TTC7A: variants seen among roughly 807,000 people sequenced by gnomAD.
TTC7A encodes tetratricopeptide repeat domain 7A, also known as tetratricopeptide repeat protein 7A.
Under a neutral mutation model 103.7 loss-of-function variants are expected in TTC7A, and 110 were observed. The ratio of observed to expected loss-of-function variants is 1.06; its 90% CI spans 0.91 to 1.24. The LOEUF (loss-of-function observed/expected upper bound fraction) is 1.24, where lower values mean the gene tolerates loss of function less well. Ranked by LOEUF, TTC7A falls within the 50% of genes most tolerant of loss-of-function variation. The pLI, the probability that TTC7A is intolerant of heterozygous loss-of-function variation, is 0.00. For missense variants in TTC7A, 1,340 were observed against 1,116.3 expected (o/e 1.20, Z -2.86); for synonymous variants, 521 against 467.9 (o/e 1.11, Z -1.47).
intron 3 of TTC7A, among the ~76,000 whole-genome samples, chr2:46,964,690 G>A (rs1308452944): frequency 2.6e-5 from 4 of 152,108 alleles, no homozygotes; most frequent in African/African-American, 9.7e-5. Flanking sequence ...GGCTTTGATT[G>A]GCATCCAGGA....
Position 46,941,590 on chromosome 2 carries a change from C to G in TTC7A, c.49C>G (p.Leu17Val). 1.9e-6 allele frequency: 3 copies of G among 1,557,270 alleles called. No individual in the cohort carries two copies. Among genetic ancestry groups the G allele is most frequent in the Non-Finnish European group, 2.6e-6 (3 of 1,151,132 alleles). Residue 17 changes from leucine (L) to valine (V), a missense_variant, in exon 1 of 20, where the codon CTG (leucine) becomes GTG (valine). By Grantham distance (32) the Leu-to-Val change is conservative. Coordinates refer to ENST00000319190, the MANE Select transcript of TTC7A (RefSeq NM_020458.4). This position sits in a 1 kb window ranked among gnomAD's most constrained non-coding sequence, Gnocchi z 4.2. ...HGSYLKVESE[L>V]ERCRAEGHWD... is the part of the protein sequence containing the mutation. ...CTCCTACCTGAAGGTGGAGAGCGAG[C>G]TGGAGCGCTGCCGCGCCGAGGGCCA...
At chr2:47,045,763 G>A (rs916610085) in intron 15 of TTC7A, among the ~76,000 whole-genome samples, 1 of 152,184 alleles carries the variant, frequency 6.6e-6, no homozygotes, top group African/African-American at 2.4e-5. Context: ...CGTTGCTTGG[G>A]CACCTATACT....
chr2:47,045,744 C>T (rs1682243475), intron 15 of TTC7A, among the ~76,000 whole-genome samples: 1 of 152,200 alleles, frequency 6.6e-6, no homozygotes, highest in Non-Finnish European at 1.5e-5. Context: ...TGCAGTTCCA[C>T]TTAGGAGGCG....
At chr2:46,957,891 T>G (rs902030572) in intron 3 of TTC7A, among the ~76,000 whole-genome samples, 2 of 152,114 alleles carry the variant, frequency 1.3e-5, no homozygotes, top group African/African-American at 4.8e-5. Context: ...CAGTGGGCAT[T>G]TGGTGCCTGG....
At chr2:46,930,387 T>A (rs1016852763) in intron 2 of TTC7A, among the ~76,000 whole-genome samples, 9 of 150,104 alleles carry the variant, frequency 6.0e-5, no homozygotes, top group Non-Finnish European at 1.0e-4. Flanking sequence ...GATTTTATAA[T>A]TAACTTCATG....
At chr2:46,924,050 TA>T (rs1306854660) in intron 2 of TTC7A, among the ~76,000 whole-genome samples, 1 of 151,908 alleles carries the variant, frequency 6.6e-6, no homozygotes, top group Admixed American at 6.6e-5. Context: ...GAAAATTTTT[TA>T]AAAAATAGCC....
intron 3 of TTC7A, among the ~76,000 whole-genome samples, chr2:46,969,225 C>T (rs533490426): frequency 3.8e-4 from 57 of 151,658 alleles, no homozygotes; most frequent in African/African-American, 1.2e-3. Flanking sequence ...AAATCTGGGC[C>T]GGGCACGGTG....
At position 46,950,350 on chromosome 2, in the gene TTC7A, C is replaced by T. The variant is rs779842844; in HGVS notation, c.185-13C>T. 1.2e-5 allele frequency: 19 copies of T among 1,613,688 alleles called. No individual in the cohort carries two copies. Among genetic ancestry groups the T allele is most frequent in the African/African-American group, 1.3e-5 (1 of 74,886 alleles). ...TCGGGGTTTGCTGCTCTGACCCCTACTTTGCTTTTCAGATGACTTTGGGAA... is the reference window on the plus strand; with the variant it reads ...TCGGGGTTTGCTGCTCTGACCCCTATTTTGCTTTTCAGATGACTTTGGGAA... On this transcript the variant is annotated splice_polypyrimidine_tract_variant and intron_variant, in intron 1 of 19. Transcript: ENST00000319190.
rs61486332 is a variant in TTC7A, at chr2:46,968,874, G to GA, written c.518-6099_518-6098insA. Among the ~76,000 whole-genome samples, 542 of 151,700 alleles carry GA rather than the reference G, an allele frequency of 3.6e-3. 2 individuals carry two copies. The highest frequency in any genetic ancestry group is 0.012 in the African/African-American group (494 of 41,392). Reference sequence around the variant, plus strand: ...CAGAACATTTCTATCACCACAGAAAGTCCCCTTGGGCTCTTTTCTAATTGG... The same window carrying GA: ...CAGAACATTTCTATCACCACAGAAAGATCCCCTTGGGCTCTTTTCTAATTGG... On this transcript the variant is annotated intron_variant, in intron 3 of 19. Coordinates refer to ENST00000319190, the MANE Select transcript of TTC7A (RefSeq NM_020458.4).
rs35563040 is a variant in TTC7A at position 47,053,543 on chromosome 2, T to TTTGGTTGGTTGGTTGGTTGG, written c.2152+1686_2152+1705dup. On this transcript the variant is annotated intron_variant, in intron 18 of 19. Transcript: ENST00000319190. ...TTTGGTGGGTTTTTTTGTTTGTTTGTTTGGTTGGTTGGTTGGTTGGTTGGT... is the reference window on the plus strand; with the variant it reads ...TTTGGTGGGTTTTTTTGTTTGTTTGTTTGGTTGGTTGGTTGGTTGGTTGGTTGGTTGGTTGGTTGGTTGGT... 4.9e-3 allele frequency among the ~76,000 whole-genome samples: 687 copies of TTTGGTTGGTTGGTTGGTTGG among 140,226 alleles called. 6 individuals carry two copies. The highest frequency in any genetic ancestry group is 0.013 in the East Asian group (60 of 4,694). 92.0% of individuals were successfully genotyped at this position (140,226 alleles called of 152,430 possible). A position where few individuals can be genotyped will look rare whatever the true frequency, so the allele number is the denominator to read the frequency against.
chr2:46,950,120 C>A (rs1162903613), intron 1 of TTC7A, among the ~76,000 whole-genome samples: 1 of 152,166 alleles, frequency 6.6e-6, no homozygotes, highest in East Asian at 1.9e-4. Flanking sequence ...ACTCTGTCTT[C>A]CCAACCATTA....
chr2:47,015,890 A>C (rs1678601787), intron 11 of TTC7A, among the ~76,000 whole-genome samples: 1 of 152,084 alleles, frequency 6.6e-6, no homozygotes. Context: ...CCCAGGGAGA[A>C]AAAAAGGGGA....
At chr2:46,975,127 T>C (rs1673746184) in intron 4 of TTC7A, 24 bp downstream of exon 4, 1 of 1,611,842 alleles carries the variant, frequency 6.2e-7, no homozygotes, top group Non-Finnish European at 8.5e-7. Context: ...AACACCGTGG[T>C]AGGAGCTGCT....
intron 9 of TTC7A, 136 bp downstream of exon 9, chr2:47,006,195 G>A: frequency 8.9e-7 from 1 of 1,117,854 alleles, no homozygotes; most frequent in East Asian, 2.5e-5. Context: ...TCGGCAAGTT[G>A]TACAAGTCTC....
chr2:46,931,895 A>AAGC (rs1455431856), intron 2 of TTC7A, among the ~76,000 whole-genome samples: 1 of 152,174 alleles, frequency 6.6e-6, no homozygotes, highest in African/African-American at 2.4e-5. Context: ...ATTTGTTAAG[A>AAGC]AGCAATAGGA....
intron 4 of TTC7A, 192 bp from the exon 5 acceptor site, chr2:46,978,600 C>A: frequency 5.5e-6 from 2 of 361,792 alleles, no homozygotes; most frequent in Admixed American, 4.6e-5. Flanking sequence ...GGGCATCTAA[C>A]GGTTGGATGG....
chr2:46,976,252 G>A (rs1572785241), intron 4 of TTC7A, among the ~76,000 whole-genome samples: 1 of 152,312 alleles, frequency 6.6e-6, no homozygotes, highest in Middle Eastern at 3.4e-3. Flanking sequence ...CATTTTACAA[G>A]TAAGAAAACA....
chr2:47,051,789 G>A lies in TTC7A; in HGVS notation c.2061G>A (p.Glu687=), dbSNP rs147410586. The change falls in exon 18 of 20, where the codon GAG becomes GAA. Residue 687 remains glutamate, a synonymous_variant. Transcript: ENST00000319190. ...ASSIAASRLE[E]AMSELTMPSS... ...CCATCGCCGCCTCCCGGCTGGAGGAGGCCATGTCAGAGCTGACTATGCCCT... is the reference window on the plus strand; with the variant it reads ...CCATCGCCGCCTCCCGGCTGGAGGAAGCCATGTCAGAGCTGACTATGCCCT... 6.2e-7 allele frequency: 1 copy of A among 1,611,398 alleles called. No individual in the cohort carries two copies. The highest frequency in any genetic ancestry group is 2.2e-5 in the East Asian group (1 of 44,886).
At chr2:47,044,496 G>T (rs1458764638) in intron 15 of TTC7A, among the ~76,000 whole-genome samples, 1 of 152,174 alleles carries the variant, frequency 6.6e-6, no homozygotes, top group Admixed American at 6.5e-5. Context: ...CCTGCCAGCT[G>T]TGCACTCAGG....
Sources: allele counts gnomAD v4.1 joint callset (sites outside exome capture counted in the v4.1 genomes callset), GRCh38; gene constraint gnomAD v4.1.1; non-coding constraint Gnocchi (gnomAD v3.1); transcripts MANE v1.5; gene names NCBI Gene and HGNC (gene_info 2026-07-23, HGNC 2026-07-21).